The following SMPD3 variants were observed in gnomAD, a reference collection of about 807,000 sequenced individuals.
SMPD3 encodes the protein nSMase-2.
SMPD3 carries 21 observed loss-of-function variants against 55.7 expected under a neutral mutation model. The ratio of observed to expected loss-of-function variants is 0.38; its 90% confidence interval spans 0.27 to 0.54. The LOEUF is 0.54. Among genes scored for constraint, SMPD3 ranks in the 20% least tolerant of loss-of-function variants. SMPD3 has a pLI of 0.80. For synonymous variants in SMPD3, 457 were observed against 404.3 expected (o/e 1.13, Z -1.56); for missense variants, 842 against 899.6 (o/e 0.94, Z 0.82).
chr16:68,363,597 C>G, intron 6 of SMPD3, 38 bp from the exon 7 acceptor site: 4 of 1,597,928 alleles, frequency 2.5e-6, no homozygotes, highest in Non-Finnish European at 3.4e-6. Flanking sequence ...TCGCTGCAGG[C>G]AGGGCCCAGG....
chr16:68,362,939 C>T (rs796749818), intron 7 of SMPD3, among the ~76,000 whole-genome samples: 2 of 152,216 alleles, frequency 1.3e-5, no homozygotes, highest in Admixed American at 6.5e-5. Context: ...ACTGCAGTCT[C>T]GGGCTGTGAA....
intron 3 of SMPD3, 145 bp from the exon 4 acceptor site, chr16:68,365,237 G>T: frequency 1.3e-6 from 1 of 756,238 alleles, no homozygotes; most frequent in Non-Finnish European, 2.2e-6. Context: ...GTAGGGACAG[G>T]ATGTGTCCTG....
In SMPD3 at chr16:68,421,683, C is replaced by T. The variant is rs978777698; in HGVS notation, c.-269+26670G>A. ...GGAATGAGGCCTGATACTCATAGCTCGGCCTCCATTCCTAGCCATTGACAT... is the reference window on the plus strand; with the variant it reads ...GGAATGAGGCCTGATACTCATAGCTTGGCCTCCATTCCTAGCCATTGACAT... On this transcript the variant is annotated intron_variant, in intron 1 of 8. Transcript: ENST00000219334. Among the ~76,000 whole-genome samples the T allele has an allele frequency of 5.3e-5, 8 of 152,340 alleles. No homozygotes were observed. In the South Asian group the frequency reaches 8.3e-4, roughly 16 times the overall value.
At chr16:68,403,286 C>T (rs4783626) in intron 1 of SMPD3, among the ~76,000 whole-genome samples, 44,897 of 152,086 alleles carry the variant, frequency 0.3, 8,018 homozygotes, top group African/African-American at 0.5. Context: ...CACTGAAACA[C>T]GAGCACCCTG....
intron 1 of SMPD3, among the ~76,000 whole-genome samples, chr16:68,392,490 T>G (rs535948074): frequency 9.9e-5 from 15 of 152,196 alleles, no homozygotes; most frequent in African/African-American, 3.4e-4. Context: ...CCCTGATAAG[T>G]TGAGGAGCAT....
At chr16:68,395,454 T>A (rs964683751) in intron 1 of SMPD3, among the ~76,000 whole-genome samples, 3 of 152,252 alleles carry the variant, frequency 2.0e-5, no homozygotes, top group African/African-American at 4.8e-5. Context: ...ATAGTTTTTT[T>A]AAACTTTATC....
At chr16:68,378,706 A>T (rs985754105) in intron 2 of SMPD3, among the ~76,000 whole-genome samples, 2 of 152,100 alleles carry the variant, frequency 1.3e-5, no homozygotes, top group African/African-American at 4.8e-5. Flanking sequence ...TGAGCCACCC[A>T]GGCCACTCAG....
At chr16:68,379,353 T>C (rs1018933601) in intron 2 of SMPD3, among the ~76,000 whole-genome samples, 2 of 152,234 alleles carry the variant, frequency 1.3e-5, no homozygotes, top group Admixed American at 1.3e-4. Flanking sequence ...GTGCCTTAGT[T>C]TCCTCACATG....
intron 1 of SMPD3, among the ~76,000 whole-genome samples, chr16:68,440,438 A>C (rs1263557548): frequency 6.6e-6 from 1 of 152,156 alleles, no homozygotes; most frequent in Admixed American, 6.5e-5. Context: ...TGGACTAAAT[A>C]AATCCACTCG....
intron 1 of SMPD3, among the ~76,000 whole-genome samples, chr16:68,391,273 C>T (rs969443372): frequency 6.6e-6 from 1 of 152,204 alleles, no homozygotes; most frequent in Non-Finnish European, 1.5e-5. Flanking sequence ...GGGAGATCAA[C>T]TTGACTGTAG....
chr16:68,410,628 T>C (rs566036810), intron 1 of SMPD3, among the ~76,000 whole-genome samples: 3 of 152,218 alleles, frequency 2.0e-5, no homozygotes, highest in African/African-American at 7.2e-5. Context: ...TGACTATAAA[T>C]CCTCGCTTTC....
intron 2 of SMPD3, among the ~76,000 whole-genome samples, chr16:68,375,012 T>A (rs2089774524): frequency 6.6e-6 from 1 of 152,164 alleles, no homozygotes; most frequent in East Asian, 1.9e-4. Context: ...GTCACCCCAA[T>A]GTCATGAAGC....
intron 2 of SMPD3, among the ~76,000 whole-genome samples, chr16:68,373,083 G>A (rs185031957): frequency 4.6e-5 from 7 of 152,346 alleles, no homozygotes; most frequent in Admixed American, 3.3e-4. Flanking sequence ...CGCAGCCTGC[G>A]TCTTACCAAC....
chr16:68,421,728 C>T (rs1562480), intron 1 of SMPD3, among the ~76,000 whole-genome samples: 3 of 152,082 alleles, frequency 2.0e-5, no homozygotes, highest in African/African-American at 4.8e-5. Context: ...CCATTGAGTT[C>T]GACCCATTAA....
At chr16:68,436,836 G>T (rs1311225483) in intron 1 of SMPD3, among the ~76,000 whole-genome samples, 1 of 152,076 alleles carries the variant, frequency 6.6e-6, no homozygotes, top group Non-Finnish European at 1.5e-5. Context: ...TTCAAATAAG[G>T]AATACAAAGG....
chr16:68,404,523 C>G lies in SMPD3; in HGVS notation c.-268-17864G>C, dbSNP rs984268936. Among the ~76,000 whole-genome samples, 42 of 152,090 alleles carry G rather than the reference C, an allele frequency of 2.8e-4. No individual in the cohort carries two copies. Among genetic ancestry groups the G allele is most frequent in the African/African-American group, 1.0e-3 (42 of 41,406 alleles). ...TGTTTTATCCTGGAATCTCCATGGG[C>G]CTCAGCTTAGCAATTGTGAGGGTGG... is the stretch of plus-strand genomic sequence containing the variant. On this transcript the variant is annotated intron_variant, in intron 1 of 8. Coordinates refer to ENST00000219334, the MANE Select transcript of SMPD3 (RefSeq NM_018667.4). The surrounding 1 kb of genome is among the most constrained non-coding windows in gnomAD (Gnocchi z 4.0).
chr16:68,424,468 G>A (rs2090419931), intron 1 of SMPD3, among the ~76,000 whole-genome samples: 1 of 151,956 alleles, frequency 6.6e-6, no homozygotes, highest in Non-Finnish European at 1.5e-5. Flanking sequence ...AGACCCTCAA[G>A]TCATGTTGGG....
chr16:68,437,168 G>T (rs2090528959), intron 1 of SMPD3, among the ~76,000 whole-genome samples: 1 of 152,226 alleles, frequency 6.6e-6, no homozygotes, highest in African/African-American at 2.4e-5. Flanking sequence ...CCAGTGTCTG[G>T]CACAGGGTTC....
intron 5 of SMPD3, chr16:68,364,545 C>T: frequency 1.6e-6 from 1 of 610,104 alleles, no homozygotes; most frequent in Non-Finnish European, 2.7e-6. Flanking sequence ...TAGGGCATCT[C>T]TGTCTCCAGC....
Sources: allele counts gnomAD v4.1 joint callset (sites outside exome capture counted in the v4.1 genomes callset), GRCh38; gene constraint gnomAD v4.1.1; non-coding constraint Gnocchi (gnomAD v3.1); transcripts MANE v1.5; gene names NCBI Gene and HGNC (gene_info 2026-07-23, HGNC 2026-07-21).